The following ATP8A2 variants were observed in gnomAD, a reference collection of about 807,000 sequenced individuals.
ATP8A2 encodes the protein ATPase phospholipid transporting 8A2.
Under a neutral mutation model 165.6 loss-of-function variants are expected in ATP8A2, and 100 were observed. The observed-to-expected ratio is 0.60, with a 90% confidence interval of 0.51 to 0.71. The LOEUF (loss-of-function observed/expected upper bound fraction) is 0.71, where lower values mean the gene tolerates loss of function less well. Among genes scored for constraint, ATP8A2 ranks in the 30% least tolerant of loss-of-function variants. The pLI, the probability that ATP8A2 is intolerant of heterozygous loss-of-function variation, is 0.00. For missense variants in ATP8A2, 1,227 were observed against 1,479.5 expected (o/e 0.83, Z 2.80); for synonymous variants, 543 against 548.8 (o/e 0.99, Z 0.15).
At chr13:25,783,810 G>C (rs1350842227) in intron 27 of ATP8A2, among the ~76,000 whole-genome samples, 1 of 152,176 alleles carries the variant, frequency 6.6e-6, no homozygotes, top group African/African-American at 2.4e-5. Flanking sequence ...ACCTAACAGA[G>C]AAGAAATGCA....
At chr13:25,385,968 A>G (rs1253313122) in intron 1 of ATP8A2, among the ~76,000 whole-genome samples, 1 of 149,594 alleles carries the variant, frequency 6.7e-6, no homozygotes, top group Non-Finnish European at 1.5e-5. Flanking sequence ...GCTGGAGTGC[A>G]GTGGTTCGAC....
intron 24 of ATP8A2, among the ~76,000 whole-genome samples, chr13:25,652,383 G>T (rs1383704539): frequency 6.6e-6 from 1 of 152,084 alleles, no homozygotes; most frequent in Admixed American, 6.5e-5. Flanking sequence ...GTTGTTCTGT[G>T]GCTCATTGGT....
At chr13:25,597,857 GT>G (rs541475215) in intron 24 of ATP8A2, among the ~76,000 whole-genome samples, 118 of 144,636 alleles carry the variant, frequency 8.2e-4, no homozygotes, top group Admixed American at 1.7e-3. Flanking sequence ...GAAGTTTTTT[GT>G]TTTTTTTTTT....
intron 1 of ATP8A2, among the ~76,000 whole-genome samples, chr13:25,451,295 T>C (rs2035218053): frequency 6.6e-6 from 1 of 151,288 alleles, no homozygotes. Flanking sequence ...TCAGCAAGAC[T>C]GCAAGGTTTT....
intron 27 of ATP8A2, among the ~76,000 whole-genome samples, chr13:25,821,668 A>G (rs1951184799): frequency 6.6e-6 from 1 of 152,166 alleles, no homozygotes; most frequent in Non-Finnish European, 1.5e-5. Flanking sequence ...AAATAAACTT[A>G]TTTCTTTAGT....
chr13:25,662,544 A>G (rs183079752), intron 24 of ATP8A2, among the ~76,000 whole-genome samples: 4 of 152,276 alleles, frequency 2.6e-5, no homozygotes, highest in African/African-American at 7.2e-5. Context: ...GTATAATATT[A>G]TATTCTTGAA....
intron 24 of ATP8A2, among the ~76,000 whole-genome samples, chr13:25,694,293 C>T (rs1278264761): frequency 6.6e-6 from 1 of 152,168 alleles, no homozygotes; most frequent in Non-Finnish European, 1.5e-5. Context: ...TCACTCTTTC[C>T]CTCCTTGGAT....
At chr13:25,524,258 G>C (rs929518302) in intron 2 of ATP8A2, among the ~76,000 whole-genome samples, 15 of 152,102 alleles carry the variant, frequency 9.9e-5, no homozygotes, top group African/African-American at 3.4e-4. Flanking sequence ...GAATGTGCTG[G>C]GACTTGATTT....
intron 1 of ATP8A2, among the ~76,000 whole-genome samples, chr13:25,458,914 C>T (rs1037622317): frequency 6.6e-6 from 1 of 152,138 alleles, no homozygotes; most frequent in Non-Finnish European, 1.5e-5. Flanking sequence ...AGAGAGAGCA[C>T]AGCAGGTGCT....
intron 1 of ATP8A2, among the ~76,000 whole-genome samples, chr13:25,420,396 G>A (rs1179253190): frequency 1.3e-5 from 2 of 152,264 alleles, no homozygotes; most frequent in African/African-American, 4.8e-5. Context: ...GCAGACTCAA[G>A]GCTTTGGAAG....
chr13:25,918,668 G>A (rs1293697529), intron 33 of ATP8A2, among the ~76,000 whole-genome samples: 1 of 152,112 alleles, frequency 6.6e-6, no homozygotes, highest in Non-Finnish European at 1.5e-5. Context: ...AATTTTCTAT[G>A]AATTGCACAA....
intron 10 of ATP8A2, among the ~76,000 whole-genome samples, chr13:25,544,996 T>C (rs944675228): frequency 8.6e-5 from 13 of 150,870 alleles, no homozygotes; most frequent in African/African-American, 2.9e-4. Flanking sequence ...CCAGTAATGC[T>C]ACCTTCAGAG....
At chr13:25,652,049 A>T (rs1400145419) in intron 24 of ATP8A2, among the ~76,000 whole-genome samples, 3 of 152,166 alleles carry the variant, frequency 2.0e-5, no homozygotes, top group African/African-American at 4.8e-5. Flanking sequence ...TAAGACTTCA[A>T]ATCTATGGTT....
intron 33 of ATP8A2, among the ~76,000 whole-genome samples, chr13:25,922,006 G>A (rs547985548): frequency 6.6e-6 from 1 of 152,200 alleles, no homozygotes; most frequent in Non-Finnish European, 1.5e-5. Context: ...GCACTTTTGT[G>A]AAGTTTGGGA....
chr13:25,720,667 C>T (rs996462496), intron 25 of ATP8A2, among the ~76,000 whole-genome samples: 13 of 152,340 alleles, frequency 8.5e-5, no homozygotes, highest in African/African-American at 2.6e-4. Context: ...GTGCCCACCC[C>T]TCAGGTGTGA....
chr13:25,468,828 A>AG (rs2035749556), intron 1 of ATP8A2, 149 bp from the exon 2 acceptor site: 1 of 1,300,074 alleles, frequency 7.7e-7, no homozygotes, highest in African/African-American at 1.6e-5. Context: ...CGGCGTCTCC[A>AG]GGGGGAGCCA....
rs533557687 is a variant in ATP8A2, at chr13:25,425,409, A to G, written c.77-43568A>G. 1.7e-3 allele frequency among the ~76,000 whole-genome samples: 258 copies of G among 151,554 alleles called. 1 individual carries two copies. The highest frequency in any genetic ancestry group is 2.1e-3 in the Non-Finnish European group (141 of 67,934). On this transcript the variant is annotated intron_variant, in intron 1 of 36. Transcript: ENST00000381655. ...GGATCTCTAGTACTTGCAAGACGTCATAAATTTGAAATCATATAGTATGCA... is the reference window on the plus strand; with the variant it reads ...GGATCTCTAGTACTTGCAAGACGTCGTAAATTTGAAATCATATAGTATGCA...
chr13:25,755,591 A>G (rs1286228677), intron 25 of ATP8A2, among the ~76,000 whole-genome samples: 1 of 152,200 alleles, frequency 6.6e-6, no homozygotes, highest in Non-Finnish European at 1.5e-5. Flanking sequence ...AATATGTAAT[A>G]TAATATAATA....
At position 25,854,083 on chromosome 13, in the gene ATP8A2, C is replaced by G. The variant is rs534944499; in HGVS notation, c.2957-6112C>G. Among the ~76,000 whole-genome samples, 25 of 152,276 alleles carry G rather than the reference C, an allele frequency of 1.6e-4. 1 individual carries two copies. The highest frequency in any genetic ancestry group is 5.8e-4 in the African/African-American group (24 of 41,576). On this transcript the variant is annotated intron_variant, in intron 30 of 36. Transcript: ENST00000381655. ...GGGACTGCCTCCACTAACCCTAGTT[C>G]CCTTCTCTCCACCTCATGTTTTCTT...
Sources: allele counts gnomAD v4.1 joint callset (sites outside exome capture counted in the v4.1 genomes callset), GRCh38; gene constraint gnomAD v4.1.1; transcripts MANE v1.5; gene names NCBI Gene and HGNC (gene_info 2026-07-23, HGNC 2026-07-21).